ARHGAP15: variants seen among roughly 807,000 people sequenced by gnomAD.
The protein encoded by ARHGAP15 is rho GTPase-activating protein 15.
A neutral mutation model predicts 63.7 loss-of-function variants in ARHGAP15; 51 were observed. The observed-to-expected ratio is 0.80, with a 90% CI of 0.64 to 1.01. The LOEUF (loss-of-function observed/expected upper bound fraction) is 1.01, where lower values mean the gene tolerates loss of function less well. Among genes scored for constraint, ARHGAP15 ranks in the 50% least tolerant of loss-of-function variants. The pLI, the probability that ARHGAP15 is intolerant of heterozygous loss-of-function variation, is 0.00. For missense variants in ARHGAP15, 560 were observed against 564.6 expected (o/e 0.99, Z 0.08); for synonymous variants, 191 against 193.8 (o/e 0.99, Z 0.12).
chr2:143,385,272 G>A (rs1687228325), intron 6 of ARHGAP15, among the ~76,000 whole-genome samples: 1 of 152,130 alleles, frequency 6.6e-6, no homozygotes, highest in Admixed American at 6.6e-5. Context: ...TACAACTCAT[G>A]AAGACAAGAT....
At chr2:143,400,418 G>C (rs968199871) in intron 6 of ARHGAP15, among the ~76,000 whole-genome samples, 1 of 151,888 alleles carries the variant, frequency 6.6e-6, no homozygotes, top group Non-Finnish European at 1.5e-5. Context: ...CTAGTTGTTT[G>C]TTTACTGAGA....
intron 6 of ARHGAP15, among the ~76,000 whole-genome samples, chr2:143,303,557 C>G (rs1683019035): frequency 6.6e-6 from 1 of 152,030 alleles, no homozygotes; most frequent in South Asian, 2.1e-4. Context: ...TAGGCATGGG[C>G]AAGGACTTCA....
intron 6 of ARHGAP15, among the ~76,000 whole-genome samples, chr2:143,308,916 T>C (rs2105180952): frequency 7.3e-6 from 1 of 137,220 alleles, no homozygotes; most frequent in East Asian, 2.1e-4. Context: ...TTGTATTTGG[T>C]ATTGACCTTC....
At chr2:143,741,128 A>T (rs1685947239) in intron 13 of ARHGAP15, 1 of 152,248 alleles carries the variant, frequency 6.6e-6, no homozygotes, top group Non-Finnish European at 1.5e-5. Flanking sequence ...AAACACGGTG[A>T]AAACATCACT....
chr2:143,598,246 C>T (rs1285821602), intron 11 of ARHGAP15, among the ~76,000 whole-genome samples: 1 of 152,090 alleles, frequency 6.6e-6, no homozygotes, highest in Admixed American at 6.6e-5. Flanking sequence ...AAAGAAACTC[C>T]ATGAAACAAG....
intron 6 of ARHGAP15, among the ~76,000 whole-genome samples, chr2:143,381,039 T>A (rs1364878801): frequency 6.6e-6 from 1 of 152,192 alleles, no homozygotes; most frequent in African/African-American, 2.4e-5. Flanking sequence ...GCATCCTGGT[T>A]CTTGTATTTT....
intron 4 of ARHGAP15, among the ~76,000 whole-genome samples, chr2:143,219,323 G>A (rs1295439006): frequency 6.6e-6 from 1 of 152,186 alleles, no homozygotes; most frequent in Admixed American, 6.5e-5. Context: ...CGTGTGGTAG[G>A]CTTTACCATG....
intron 6 of ARHGAP15, among the ~76,000 whole-genome samples, chr2:143,431,847 A>G (rs113454981): frequency 2.6e-5 from 4 of 151,978 alleles, no homozygotes; most frequent in African/African-American, 7.2e-5. Context: ...TCTTCTGTAC[A>G]TGAAATTATT....
At chr2:143,495,028 T>C (rs1234839561) in intron 9 of ARHGAP15, among the ~76,000 whole-genome samples, 3 of 152,204 alleles carry the variant, frequency 2.0e-5, no homozygotes, top group African/African-American at 7.2e-5. Context: ...GCTATTAACT[T>C]AATATCTGGT....
chr2:143,659,508 A>G (rs998898962), intron 12 of ARHGAP15, among the ~76,000 whole-genome samples: 69 of 152,154 alleles, frequency 4.5e-4, no homozygotes, highest in Non-Finnish European at 1.8e-4. Flanking sequence ...CTGGCTGGGT[A>G]GTGATTTCCT....
At chr2:143,751,367 G>A (rs528971250) in intron 13 of ARHGAP15, among the ~76,000 whole-genome samples, 24 of 152,134 alleles carry the variant, frequency 1.6e-4, no homozygotes, top group South Asian at 4.1e-4. Flanking sequence ...AGCTGCCTGC[G>A]GACTTGACAC....
chr2:143,364,589 C>T (rs1377306242), intron 6 of ARHGAP15, among the ~76,000 whole-genome samples: 1 of 151,996 alleles, frequency 6.6e-6, no homozygotes, highest in Non-Finnish European at 1.5e-5. Context: ...AAATTATGCC[C>T]CAATGAAGAA....
At chr2:143,426,599 T>C (rs563785323) in intron 6 of ARHGAP15, among the ~76,000 whole-genome samples, 1 of 152,238 alleles carries the variant, frequency 6.6e-6, no homozygotes, top group East Asian at 1.9e-4. Flanking sequence ...TTTGGCAAAG[T>C]GTCGGAAACA....
At chr2:143,568,117 C>T (rs988988536) in intron 11 of ARHGAP15, among the ~76,000 whole-genome samples, 4 of 151,394 alleles carry the variant, frequency 2.6e-5, no homozygotes, top group African/African-American at 7.3e-5. Flanking sequence ...TGGGCAAGGA[C>T]TTCATGACTA....
rs1387870056 is a variant in ARHGAP15 at position 143,173,025 on chromosome 2, A to T, written c.165+17370A>T. Among the ~76,000 whole-genome samples the T allele has an allele frequency of 3.9e-5, 6 of 152,092 alleles. No homozygotes were observed. In the East Asian group the frequency reaches 9.6e-4, roughly 24 times the overall value. Reference sequence around the variant, plus strand: ...AGTGAACCAGACGATGTCAGTTGACATCCATGAATTTCAATAAAGAAGGGG... The same window carrying T: ...AGTGAACCAGACGATGTCAGTTGACTTCCATGAATTTCAATAAAGAAGGGG... On this transcript the variant is annotated intron_variant, in intron 2 of 13. Coordinates refer to ENST00000295095, the MANE Select transcript of ARHGAP15 (RefSeq NM_018460.4).
intron 9 of ARHGAP15, among the ~76,000 whole-genome samples, chr2:143,515,281 A>G (rs1447236304): frequency 6.6e-6 from 1 of 151,452 alleles, no homozygotes; most frequent in African/African-American, 2.4e-5. Flanking sequence ...AAAAACCACA[A>G]TCACTTCCTA....
chr2:143,472,230 G>A (rs757428943), intron 8 of ARHGAP15, among the ~76,000 whole-genome samples: 39 of 151,828 alleles, frequency 2.6e-4, no homozygotes, highest in African/African-American at 7.3e-4. Context: ...GGGTAGACAC[G>A]GCATAAATTT....
At chr2:143,733,205 A>G (rs1232501014) in intron 13 of ARHGAP15, among the ~76,000 whole-genome samples, 1 of 152,084 alleles carries the variant, frequency 6.6e-6, no homozygotes, top group Non-Finnish European at 1.5e-5. Context: ...TTATTATCAA[A>G]TCGTCATTGT....
intron 5 of ARHGAP15, 31 bp downstream of exon 5, chr2:143,228,699 A>G: frequency 4.2e-6 from 6 of 1,437,890 alleles, no homozygotes; most frequent in Non-Finnish European, 5.6e-6. Flanking sequence ...ATTGTTAAAT[A>G]TCTTTTCAGA....
Sources: gnomAD v4.1 joint callset for allele counts (sites outside exome capture counted in the v4.1 genomes callset) on GRCh38, gnomAD v4.1.1 for gene constraint, MANE v1.5 for transcripts, NCBI Gene and HGNC (gene_info 2026-07-23, HGNC 2026-07-21) for gene names.